CADM2: variants seen among roughly 807,000 people sequenced by gnomAD.
CADM2 encodes immunoglobulin superfamily member 4D.
CADM2 carries 12 observed loss-of-function variants against 49.8 expected under a neutral mutation model. The ratio of observed to expected loss-of-function variants is 0.24; its 90% CI spans 0.15 to 0.39. The LOEUF (loss-of-function observed/expected upper bound fraction) is 0.39. CADM2 is among the 10% of genes least tolerant of loss of function. CADM2 has a pLI of 1.00. For missense variants in CADM2, 378 were observed against 492.3 expected (o/e 0.77, Z 2.20); for synonymous variants, 214 against 175.4 (o/e 1.22, Z -1.74).
intron 1 of CADM2, among the ~76,000 whole-genome samples, chr3:85,227,560 G>C (rs2042190982): frequency 6.7e-6 from 1 of 150,278 alleles, no homozygotes; most frequent in Admixed American, 6.7e-5. Context: ...CCTGAATACA[G>C]CACACTGATG....
intron 1 of CADM2, chr3:84,960,538 G>C (rs1189649005): frequency 6.6e-6 from 1 of 151,498 alleles, no homozygotes; most frequent in African/African-American, 2.4e-5. Flanking sequence ...TTACTGCTAA[G>C]ATATTTTCAC....
chr3:85,316,166 T>G (rs1240146163), intron 1 of CADM2, among the ~76,000 whole-genome samples: 1 of 152,194 alleles, frequency 6.6e-6, no homozygotes, highest in African/African-American at 2.4e-5. Flanking sequence ...TCTCTGGAAG[T>G]CAGTTTCACC....
At chr3:85,001,620 T>C (rs1559610907) in intron 1 of CADM2, among the ~76,000 whole-genome samples, 1 of 152,094 alleles carries the variant, frequency 6.6e-6, no homozygotes, top group Non-Finnish European at 1.5e-5. Context: ...ATACAGACAA[T>C]ACTATTTATC....
At chr3:85,824,076 G>T (rs1470802618) in intron 3 of CADM2, among the ~76,000 whole-genome samples, 1 of 152,056 alleles carries the variant, frequency 6.6e-6, no homozygotes, top group Non-Finnish European at 1.5e-5. Flanking sequence ...TTTTATTCTG[G>T]GACGTTTTTC....
intron 1 of CADM2, among the ~76,000 whole-genome samples, chr3:85,122,950 A>G (rs138629450): frequency 2.0e-5 from 3 of 152,196 alleles, no homozygotes; most frequent in African/African-American, 4.8e-5. Flanking sequence ...GTTCACCTCT[A>G]TCCTCTTCAT....
intron 8 of CADM2, among the ~76,000 whole-genome samples, chr3:86,055,353 T>C (rs1578076375): frequency 6.6e-6 from 1 of 152,040 alleles, no homozygotes; most frequent in Non-Finnish European, 1.5e-5. Flanking sequence ...ATTCAATGTT[T>C]GGTGAGGGCC....
chr3:85,562,478 CAAAAAAAAAA>C (rs10533481), intron 1 of CADM2, among the ~76,000 whole-genome samples: 2 of 65,516 alleles, frequency 3.1e-5, no homozygotes, highest in East Asian at 4.6e-4. Context: ...AACTCCATCT[CAAAAAAAAAA>C]AAAAAAAAAA....
At chr3:86,020,698 A>G (rs141801885) in intron 8 of CADM2, among the ~76,000 whole-genome samples, 4,166 of 152,212 alleles carry the variant, frequency 0.027, 181 homozygotes, top group African/African-American at 0.095. Context: ...CAAATCAATA[A>G]ATGTAATCCA....
At chr3:85,500,236 T>C (rs1484809086) in intron 1 of CADM2, among the ~76,000 whole-genome samples, 1 of 152,172 alleles carries the variant, frequency 6.6e-6, no homozygotes, top group Non-Finnish European at 1.5e-5. Context: ...AACTTTTTGG[T>C]TTTTTAGGCA....
At chr3:85,547,910 C>T (rs2061705251) in intron 1 of CADM2, among the ~76,000 whole-genome samples, 1 of 152,122 alleles carries the variant, frequency 6.6e-6, no homozygotes. Flanking sequence ...GTGAGCTAAC[C>T]ACTACCCCAT....
At chr3:85,164,433 C>T (rs938868209) in intron 1 of CADM2, among the ~76,000 whole-genome samples, 5 of 151,946 alleles carry the variant, frequency 3.3e-5, no homozygotes, top group Non-Finnish European at 5.9e-5. Flanking sequence ...CTATTTAGGC[C>T]GATTTTTAAC....
At chr3:85,434,877 T>C (rs921266773) in intron 1 of CADM2, among the ~76,000 whole-genome samples, 1 of 152,132 alleles carries the variant, frequency 6.6e-6, no homozygotes, top group Non-Finnish European at 1.5e-5. Flanking sequence ...TCGCTTTGAC[T>C]GTTGGTAATT....
chr3:85,389,634 T>C (rs1332179765), intron 1 of CADM2, among the ~76,000 whole-genome samples: 1 of 152,122 alleles, frequency 6.6e-6, no homozygotes, highest in African/African-American at 2.4e-5. Context: ...TGCCGAGTTC[T>C]TTATAGTTAC....
At chr3:85,443,900 C>T (rs1223170047) in intron 1 of CADM2, among the ~76,000 whole-genome samples, 9 of 152,112 alleles carry the variant, frequency 5.9e-5, no homozygotes, top group African/African-American at 2.2e-4. Flanking sequence ...TACTCAGGAT[C>T]TCCTCATAGA....
chr3:85,759,351 CA>C (rs2069266498), intron 2 of CADM2, among the ~76,000 whole-genome samples: 3 of 152,054 alleles, frequency 2.0e-5, no homozygotes, highest in Admixed American at 2.0e-4. Context: ...TATGTTTTAA[CA>C]CACGAATATG....
At chr3:85,916,169 T>A (rs924817898) in intron 6 of CADM2, among the ~76,000 whole-genome samples, 2 of 151,654 alleles carry the variant, frequency 1.3e-5, no homozygotes, top group Admixed American at 6.6e-5. Context: ...TGAAAGAGAG[T>A]TCTCTTTTTT....
intron 1 of CADM2, among the ~76,000 whole-genome samples, chr3:85,426,108 A>G (rs1408938442): frequency 6.6e-6 from 1 of 151,450 alleles, no homozygotes; most frequent in African/African-American, 2.4e-5. Flanking sequence ...TAATGCAGCA[A>G]TAATATCCTG....
intron 1 of CADM2, among the ~76,000 whole-genome samples, chr3:85,037,313 T>C (rs566794389): frequency 6.6e-6 from 1 of 152,338 alleles, no homozygotes; most frequent in African/African-American, 2.4e-5. Context: ...GCTTCTCATA[T>C]TTTCTCCTTT....
At chr3:85,256,740 A>T (rs1040311667) in intron 1 of CADM2, among the ~76,000 whole-genome samples, 3 of 152,152 alleles carry the variant, frequency 2.0e-5, no homozygotes, top group Non-Finnish European at 1.5e-5. Flanking sequence ...CTGCATGTTT[A>T]GCGCACACCG....
Sources: gnomAD v4.1 joint callset for allele counts (sites outside exome capture counted in the v4.1 genomes callset) on GRCh38, gnomAD v4.1.1 for gene constraint, MANE v1.5 for transcripts, NCBI Gene and HGNC (gene_info 2026-07-23, HGNC 2026-07-21) for gene names.